Variants in FAM171A1 observed in about 807,000 individuals in gnomAD.
FAM171A1 encodes family with sequence similarity 171 member A1.
FAM171A1 carries 23 observed loss-of-function variants against 74.9 expected under a neutral mutation model. That is an observed-to-expected ratio of 0.31 (90% confidence interval 0.22 to 0.44). The LOEUF (loss-of-function observed/expected upper bound fraction) is 0.44, where lower values mean the gene tolerates loss of function less well. FAM171A1 is among the 20% of genes least tolerant of loss of function. FAM171A1 has a pLI of 1.00. For missense variants in FAM171A1, 1,162 were observed against 1,159.2 expected (o/e 1.00, Z -0.03); for synonymous variants, 527 against 505.7 (o/e 1.04, Z -0.57).
intron 1 of FAM171A1, among the ~76,000 whole-genome samples, chr10:15,313,388 T>C (rs1835386236): frequency 6.6e-6 from 1 of 152,228 alleles, no homozygotes; most frequent in Admixed American, 6.5e-5. Context: ...TTCCTTGAGC[T>C]AAAATTTTCC....
chr10:15,338,570 T>C (rs1350164842), intron 1 of FAM171A1, among the ~76,000 whole-genome samples: 1 of 152,178 alleles, frequency 6.6e-6, no homozygotes, highest in African/African-American at 2.4e-5. Context: ...CCCAGGACAT[T>C]TGTGAGGAAT....
intron 1 of FAM171A1, among the ~76,000 whole-genome samples, chr10:15,299,776 AGACCATCCTG>A (rs1426883826): frequency 6.6e-6 from 1 of 152,084 alleles, no homozygotes; most frequent in East Asian, 1.9e-4. Context: ...CAGGAGATTG[AGACCATCCTG>A]GCTAACACGA....
At chr10:15,370,688 C>T (rs1425979572) in intron 1 of FAM171A1, among the ~76,000 whole-genome samples, 2 of 151,604 alleles carry the variant, frequency 1.3e-5, no homozygotes, top group African/African-American at 4.8e-5. Flanking sequence ...GCAGCGGCGA[C>T]AGCAGCTGGA....
At chr10:15,222,002 G>A (rs752699646) in intron 5 of FAM171A1, among the ~76,000 whole-genome samples, 5 of 152,202 alleles carry the variant, frequency 3.3e-5, no homozygotes, top group Non-Finnish European at 7.3e-5. Flanking sequence ...AAAAATGGAT[G>A]CCTTTTCCTG....
intron 3 of FAM171A1, among the ~76,000 whole-genome samples, chr10:15,262,042 G>A (rs1834664319): frequency 1.3e-5 from 2 of 152,222 alleles, no homozygotes; most frequent in African/African-American, 4.8e-5. Flanking sequence ...TTGAGCCTGG[G>A]AGTCTGAGGC....
chr10:15,235,323 A>C (rs1035528657), intron 5 of FAM171A1, among the ~76,000 whole-genome samples: 7 of 151,480 alleles, frequency 4.6e-5, no homozygotes, highest in South Asian at 2.1e-4. Flanking sequence ...AAAAAAAAAA[A>C]AAAAAACCTC....
intron 1 of FAM171A1, among the ~76,000 whole-genome samples, chr10:15,320,068 T>C (rs1021707315): frequency 1.3e-5 from 2 of 152,230 alleles, no homozygotes; most frequent in Non-Finnish European, 2.9e-5. Flanking sequence ...GGTTATTTTG[T>C]CACCCAGGTA....
rs777810128 is a variant in FAM171A1, at chr10:15,213,727, G to C, written c.1861C>G (p.Pro621Ala). 6.2e-7 allele frequency: 1 copy of C among 1,613,272 alleles called. No homozygotes were observed. The highest frequency in any genetic ancestry group is 8.5e-7 in the Non-Finnish European group (1 of 1,179,424). Residue 621 changes from proline to alanine, a missense_variant, in exon 8 of 8, where the codon CCC (proline) becomes GCC (alanine). Transcript: ENST00000378116. This position sits in a 1 kb window ranked among gnomAD's most constrained non-coding sequence, Gnocchi z 6.8. ...IERLQAELSN[P>A]HAGIFPHPSS... ...GGGTGTGGGAAGATCCCGGCATGGG[G>C]ATTGGACAGCTCAGCCTGTAGTCTT...
intron 5 of FAM171A1, among the ~76,000 whole-genome samples, chr10:15,240,502 T>C (rs12253472): frequency 0.012 from 1,879 of 152,302 alleles, 48 homozygotes; most frequent in African/African-American, 0.042. Context: ...CTAATGAATA[T>C]ATAGGTTGAA....
At chr10:15,306,841 G>T (rs570148747) in intron 1 of FAM171A1, among the ~76,000 whole-genome samples, 6 of 152,272 alleles carry the variant, frequency 3.9e-5, no homozygotes, top group Non-Finnish European at 7.3e-5. Context: ...TACTCAATTA[G>T]GTCCTATCCA....
intron 1 of FAM171A1, among the ~76,000 whole-genome samples, chr10:15,339,370 C>G (rs752410071): frequency 6.0e-4 from 91 of 152,190 alleles, no homozygotes; most frequent in Admixed American, 9.2e-4. Flanking sequence ...TACCGCATCA[C>G]ATTTAGTCAT....
chr10:15,268,645 G>C (rs1163145378), intron 3 of FAM171A1, among the ~76,000 whole-genome samples: 5 of 152,052 alleles, frequency 3.3e-5, no homozygotes, highest in African/African-American at 7.2e-5. Context: ...GGAGTAATTA[G>C]AGCATTGGAA....
chr10:15,269,491 C>T (rs1421309905), intron 3 of FAM171A1, among the ~76,000 whole-genome samples: 1 of 152,080 alleles, frequency 6.6e-6, no homozygotes, highest in Non-Finnish European at 1.5e-5. Context: ...TCAATTCTAA[C>T]CCCATATCAA....
intron 6 of FAM171A1, among the ~76,000 whole-genome samples, chr10:15,218,808 C>T (rs142238471): frequency 6.6e-6 from 1 of 152,116 alleles, no homozygotes; most frequent in Non-Finnish European, 1.5e-5. Flanking sequence ...GTTGCCCAGG[C>T]TGGTCTTGAA....
chr10:15,225,065 G>A (rs1487842061), intron 5 of FAM171A1, among the ~76,000 whole-genome samples: 3 of 152,232 alleles, frequency 2.0e-5, no homozygotes, highest in Non-Finnish European at 2.9e-5. Flanking sequence ...AAGTGTTACT[G>A]CATCACCCAT....
At chr10:15,342,792 A>G (rs151003045) in intron 1 of FAM171A1, among the ~76,000 whole-genome samples, 2 of 152,352 alleles carry the variant, frequency 1.3e-5, no homozygotes, top group African/African-American at 4.8e-5. Context: ...CTAGAAGGCA[A>G]GTCAGACCCT....
rs745904759 is a variant in FAM171A1 at position 15,284,020 on chromosome 10, G to A, written c.183C>T (p.Ala61=). 23 of 1,614,062 alleles carry A rather than the reference G, an allele frequency of 1.4e-5. No homozygotes were observed. The highest frequency in any genetic ancestry group is 8.0e-5 in the African/African-American group (6 of 74,942). Residue 61 remains alanine, a synonymous_variant, in exon 2 of 8, where the codon GCC becomes GCT. Coordinates refer to ENST00000378116, the MANE Select transcript of FAM171A1 (RefSeq NM_001010924.2). ...TCCCCGAGGTGCCAGAGGCTATGGA[G>A]GCCTGGTTGGTGAAGATCTCGATGA... ...DALIEIFTNQ[A]SIASGTSGTD... is the part of the protein sequence containing the mutation.
At chr10:15,357,924 A>G (rs1271371168) in intron 1 of FAM171A1, among the ~76,000 whole-genome samples, 1 of 152,224 alleles carries the variant, frequency 6.6e-6, no homozygotes. Flanking sequence ...AATACCATCT[A>G]TCAGTTCAAA....
chr10:15,344,799 A>G (rs954751961), intron 1 of FAM171A1, among the ~76,000 whole-genome samples: 2 of 152,240 alleles, frequency 1.3e-5, no homozygotes, highest in South Asian at 2.1e-4. Flanking sequence ...AAAGGATGAC[A>G]GTATTACTGG....
Sources: gnomAD v4.1 joint callset for allele counts (sites outside exome capture counted in the v4.1 genomes callset) on GRCh38, gnomAD v4.1.1 for gene constraint, Gnocchi (gnomAD v3.1) non-coding constraint, MANE v1.5 for transcripts, NCBI Gene and HGNC (gene_info 2026-07-23, HGNC 2026-07-21) for gene names.